The following SIAH3 variants were observed in gnomAD, a reference collection of about 807,000 sequenced individuals.
The protein encoded by SIAH3 is siah E3 ubiquitin protein ligase family member 3.
In SIAH3, 9 loss-of-function variants were observed where a neutral mutation model predicts 12.6. The ratio of observed to expected loss-of-function variants is 0.72; its 90% confidence interval spans 0.43 to 1.25. The LOEUF (loss-of-function observed/expected upper bound fraction) is 1.25. Among genes scored for constraint, SIAH3 ranks in the 50% most tolerant of loss-of-function variants. The probability of loss-of-function intolerance (pLI) is 0.00; values close to 1 mark genes in which losing one functional copy is unlikely to be tolerated. For missense variants in SIAH3, 390 were observed against 365.4 expected (o/e 1.07, Z -0.55); for synonymous variants, 154 against 151.1 (o/e 1.02, Z -0.14).
At chr13:45,809,064 C>T (rs939021284) in intron 1 of SIAH3, among the ~76,000 whole-genome samples, 7 of 152,182 alleles carry the variant, frequency 4.6e-5, no homozygotes, top group Non-Finnish European at 1.0e-4. Context: ...CCTGCCTGGT[C>T]CTGACTCATA....
intron 1 of SIAH3, among the ~76,000 whole-genome samples, chr13:45,821,150 CTAATA>C (rs1566093564): frequency 2.0e-5 from 3 of 152,196 alleles, no homozygotes; most frequent in Admixed American, 6.5e-5. Context: ...GGGCCCTAAT[CTAATA>C]TGACTGGTGT....
intron 1 of SIAH3, among the ~76,000 whole-genome samples, chr13:45,829,914 C>A (rs113964825): frequency 5.3e-5 from 8 of 152,284 alleles, no homozygotes; most frequent in South Asian, 4.1e-4. Flanking sequence ...CGGGGTGCAG[C>A]TTTCCTGTCT....
At chr13:45,797,537 C>T (rs1030351189) in intron 1 of SIAH3, among the ~76,000 whole-genome samples, 4 of 152,176 alleles carry the variant, frequency 2.6e-5, no homozygotes, top group Non-Finnish European at 5.9e-5. Context: ...CTACCCAAGC[C>T]GCAAAACTCT....
At position 45,804,494 on chromosome 13, in the gene SIAH3, G is replaced by A. The variant is rs117037937; in HGVS notation, c.136-20437C>T. ...TGAAAACATTCTAAAATTAGATAGC[G>A]GTAATGGTTGTGCAACTCCGTGAAT... On this transcript the variant is annotated intron_variant, in intron 1 of 1. Transcript: ENST00000400405. Among the ~76,000 whole-genome samples the A allele has an allele frequency of 3.9e-4, 60 of 152,162 alleles. 1 individual carries two copies. In the East Asian group the frequency reaches 9.5e-3, roughly 24 times the overall value.
intron 1 of SIAH3, among the ~76,000 whole-genome samples, chr13:45,840,664 C>T (rs1323735120): frequency 6.6e-6 from 1 of 152,128 alleles, no homozygotes; most frequent in Non-Finnish European, 1.5e-5. Flanking sequence ...GGATTGCCCA[C>T]CCCGAGCCGG....
chr13:45,844,344 G>T (rs1282764494), intron 1 of SIAH3, among the ~76,000 whole-genome samples: 5 of 152,124 alleles, frequency 3.3e-5, no homozygotes, highest in African/African-American at 1.2e-4. Context: ...CCAATGGCTG[G>T]GAGAAACAAA....
intron 1 of SIAH3, among the ~76,000 whole-genome samples, chr13:45,816,579 C>T (rs1404432521): frequency 3.3e-5 from 5 of 152,348 alleles, no homozygotes; most frequent in South Asian, 2.1e-4. Flanking sequence ...TTCAGCCCCT[C>T]GGGCGTGCCC....
chr13:45,851,439 T>C (rs949709934), intron 1 of SIAH3, 56 bp downstream of exon 1: 53 of 1,601,262 alleles, frequency 3.3e-5, no homozygotes, highest in Non-Finnish European at 4.2e-5. Context: ...CGCTGCCGCC[T>C]CCGAGAAAGG....
intron 1 of SIAH3, among the ~76,000 whole-genome samples, chr13:45,842,308 T>A (rs377637736): frequency 6.6e-6 from 1 of 152,332 alleles, no homozygotes; most frequent in East Asian, 1.9e-4. Flanking sequence ...GGAGTAATTA[T>A]AATATGCCAG....
intron 1 of SIAH3, among the ~76,000 whole-genome samples, chr13:45,842,114 C>T (rs909993956): frequency 2.0e-5 from 3 of 152,228 alleles, no homozygotes; most frequent in African/African-American, 7.2e-5. Context: ...CTGTGTGCTT[C>T]AAAAGCATGG....
At chr13:45,800,364 C>T (rs577894656) in intron 1 of SIAH3, among the ~76,000 whole-genome samples, 4 of 152,244 alleles carry the variant, frequency 2.6e-5, no homozygotes, top group Admixed American at 6.5e-5. Flanking sequence ...TCAAACCTAG[C>T]GAAGAGAGAC....
intron 1 of SIAH3, among the ~76,000 whole-genome samples, chr13:45,790,837 A>G (rs1950543577): frequency 6.6e-6 from 1 of 152,204 alleles, no homozygotes; most frequent in South Asian, 2.1e-4. Context: ...GTTAAGCAGC[A>G]GTTAAGATCT....
At chr13:45,810,697 A>G (rs1259388185) in intron 1 of SIAH3, among the ~76,000 whole-genome samples, 3 of 152,146 alleles carry the variant, frequency 2.0e-5, no homozygotes, top group Admixed American at 6.5e-5. Flanking sequence ...AAGAATGTTT[A>G]ATTTGAAGAA....
At chr13:45,849,012 A>G (rs1345987746) in intron 1 of SIAH3, among the ~76,000 whole-genome samples, 1 of 152,174 alleles carries the variant, frequency 6.6e-6, no homozygotes, top group African/African-American at 2.4e-5. Context: ...TTGAGGTTAC[A>G]TGTGCTTTTT....
At chr13:45,807,349 G>GA (rs1404220832) in intron 1 of SIAH3, among the ~76,000 whole-genome samples, 2 of 151,172 alleles carry the variant, frequency 1.3e-5, no homozygotes, top group East Asian at 3.9e-4. Context: ...TCAGATTGCT[G>GA]AAAAATAAAT....
chr13:45,830,857 TG>T (rs1950696175), intron 1 of SIAH3, among the ~76,000 whole-genome samples: 1 of 152,004 alleles, frequency 6.6e-6, no homozygotes, highest in African/African-American at 2.4e-5. Flanking sequence ...GAAGGTATTT[TG>T]GGGAGAGAGC....
chr13:45,781,509 G>A lies in SIAH3; in HGVS notation c.*1874C>T, dbSNP rs1431000332. 6.6e-6 allele frequency: 1 copy of A among 152,218 alleles called. No individual in the cohort carries two copies. Among genetic ancestry groups the A allele is most frequent in the South Asian group, 2.1e-4 (1 of 4,828 alleles). The allele number at this position is 152,218 out of a possible 1,614,324, so 9.4% of individuals were successfully genotyped here. On this transcript the variant is annotated 3_prime_UTR_variant, in exon 2 of 2. Transcript: ENST00000400405. ...TGGTGCCCTGGCAGGGCATCTGAGA[G>A]CTCAAAGAATGCGCAGGCCCCAATC...
At chr13:45,814,399 G>A (rs1020321215) in intron 1 of SIAH3, among the ~76,000 whole-genome samples, 3 of 152,056 alleles carry the variant, frequency 2.0e-5, no homozygotes, top group South Asian at 2.1e-4. Context: ...GGTGTGGGGT[G>A]GGCTCTGGGT....
chr13:45,829,562 T>G (rs1181337401), intron 1 of SIAH3, among the ~76,000 whole-genome samples: 1 of 152,130 alleles, frequency 6.6e-6, no homozygotes, highest in Non-Finnish European at 1.5e-5. Context: ...TGAGCCATGA[T>G]CACGCCCCTG....
Sources: gnomAD v4.1 joint callset for allele counts (sites outside exome capture counted in the v4.1 genomes callset) on GRCh38, gnomAD v4.1.1 for gene constraint, MANE v1.5 for transcripts, NCBI Gene and HGNC (gene_info 2026-07-23, HGNC 2026-07-21) for gene names.